Variants in STARD7 observed in about 807,000 individuals in gnomAD.
STARD7 encodes StAR related lipid transfer domain containing 7.
STARD7 carries 30 observed loss-of-function variants against 45.3 expected under a neutral mutation model. The ratio of observed to expected loss-of-function variants is 0.66; its 90% CI spans 0.50 to 0.90. The LOEUF (loss-of-function observed/expected upper bound fraction) is 0.90, where lower values mean the gene tolerates loss of function less well. STARD7 is among the 40% of genes least tolerant of loss of function. The pLI, the probability that STARD7 is intolerant of heterozygous loss-of-function variation, is 0.00. For synonymous variants in STARD7, 199 were observed against 183.0 expected (o/e 1.09, Z -0.70); for missense variants, 495 against 491.3 (o/e 1.01, Z -0.07).
chr2:96,199,198 C>A (rs957985456), intron 1 of STARD7, among the ~76,000 whole-genome samples: 19 of 152,096 alleles, frequency 1.2e-4, no homozygotes, highest in African/African-American at 4.3e-4. Context: ...AAGTGGCTTG[C>A]CAATTTCTGC....
chr2:96,197,114 A>AACAAAACAAAACAAG, intron 1 of STARD7, among the ~76,000 whole-genome samples: 1 of 144,358 alleles, frequency 6.9e-6, no homozygotes, highest in Non-Finnish European at 1.5e-5. Context: ...AATAAAATAA[A>AACAAAACAAAACAAG]ATAAAATAAA....
In STARD7 at chr2:96,187,430, GA is replaced by G; in HGVS notation, c.844-130del. On this transcript the variant is annotated intron_variant, in intron 6 of 7. Transcript: ENST00000337288. ...GTCATTTCTTTTTTCACCCTGTGCA[GA>G]AAAGAGTTAACACTGAAGGCCTGAG... is the stretch of plus-strand genomic sequence containing the variant. 13 of 645,570 alleles carry G rather than the reference GA, an allele frequency of 2.0e-5. No individual in the cohort carries two copies. In the South Asian group the frequency reaches 2.5e-4, roughly 12 times the overall value. 40.0% of individuals were successfully genotyped at this position (645,570 alleles called of 1,614,324 possible). A position where few individuals can be genotyped will look rare whatever the true frequency, so the allele number is the denominator to read the frequency against.
intron 1 of STARD7, among the ~76,000 whole-genome samples, chr2:96,202,865 T>C (rs370961900): frequency 2.0e-5 from 3 of 152,328 alleles, no homozygotes; most frequent in South Asian, 2.1e-4. Flanking sequence ...TTAAGAAAAT[T>C]ATTAACTATA....
chr2:96,187,027 C>T, intron 7 of STARD7, 113 bp from the exon 8 acceptor site: 3 of 1,061,292 alleles, frequency 2.8e-6, no homozygotes, highest in South Asian at 3.3e-5. Context: ...ATAAAGATCA[C>T]AACCTGACTA....
In STARD7 at chr2:96,186,741, C is replaced by T; in HGVS notation, c.1102G>A (p.Glu368Lys). Residue 368 changes from glutamate to lysine, a missense_variant, in exon 8 of 8, where the codon GAG becomes AAG. By Grantham distance (56) the Glu-to-Lys change is moderately conservative (BLOSUM62 1). Coordinates refer to ENST00000337288, the MANE Select transcript of STARD7 (RefSeq NM_020151.4). ...NEGSCGPARIEYA is the reference protein window; with the variant it reads ...NEGSCGPARIKYA ...TATCCCAAAGCCTGTCAAGCATACT[C>T]AATCCGAGCAGGGCCACAGCTGCCC... The T allele has an allele frequency of 1.9e-6, 3 of 1,609,582 alleles. No individual in the cohort carries two copies. Among genetic ancestry groups the T allele is most frequent in the Non-Finnish European group, 2.5e-6 (3 of 1,178,238 alleles).
intron 1 of STARD7, among the ~76,000 whole-genome samples, chr2:96,199,953 G>A (rs931052758): frequency 2.0e-5 from 3 of 152,288 alleles, no homozygotes; most frequent in Non-Finnish European, 2.9e-5. Flanking sequence ...TTAATATGGT[G>A]TAATAAATTG....
chr2:96,186,900 G>C lies in STARD7; in HGVS notation c.943C>G (p.Leu315Val). 7 of 1,612,710 alleles carry C rather than the reference G, an allele frequency of 4.3e-6. No individual in the cohort carries two copies. Among genetic ancestry groups the C allele is most frequent in the Non-Finnish European group, 5.9e-6 (7 of 1,179,224 alleles). Residue 315 changes from leucine (L) to valine (V), a missense_variant, in exon 8 of 8, where the codon CTG becomes GTG. Physicochemically the swap from Leu to Val is conservative, Grantham distance 32. This residue lies in a region of STARD7 where 213 missense variants were observed against 271.2 expected (regional missense o/e 0.79). Coordinates refer to ENST00000337288, the MANE Select transcript of STARD7 (RefSeq NM_020151.4). ...WMVSSGMPDF[L>V]EKLHMATLKA... ...AGAGTGGCCATGTGCAGCTTCTCCA[G>C]GAAATCTGGCATGCCTGTCAGGAGA...
intron 7 of STARD7, 48 bp from the exon 8 acceptor site, chr2:96,186,962 A>T (rs201623421): frequency 6.5e-7 from 1 of 1,540,380 alleles, no homozygotes; most frequent in African/African-American, 1.4e-5. Context: ...AACCAACAGT[A>T]GGCTCAAAAT....
At position 96,194,943 on chromosome 2, in the gene STARD7, G is replaced by C. The variant is rs771919226; in HGVS notation, c.549+15C>G. 4.0e-5 allele frequency: 64 copies of C among 1,604,686 alleles called. No individual in the cohort carries two copies. The highest frequency in any genetic ancestry group is 3.4e-6 in the Non-Finnish European group (4 of 1,175,292). On this transcript the variant is annotated intron_variant, in intron 3 of 7. Transcript: ENST00000337288. Reference sequence around the variant, plus strand: ...TGCTAGGAGGCTCCAAATCTGGAGAGAAAAATTAACTCACCTGAACATTGA... The same window carrying C: ...TGCTAGGAGGCTCCAAATCTGGAGACAAAAATTAACTCACCTGAACATTGA...
chr2:96,204,839 G>A (rs1461654973), intron 1 of STARD7, among the ~76,000 whole-genome samples: 5 of 150,542 alleles, frequency 3.3e-5, no homozygotes, highest in Admixed American at 1.3e-4. Flanking sequence ...AACATATCCC[G>A]AATGCCCTGA....
In STARD7 at chr2:96,185,067, ATT is replaced by A. The variant is rs1683013641; in HGVS notation, c.*1661_*1662del. 6.6e-6 allele frequency: 1 copy of A among 152,348 alleles called. No homozygotes were observed. Among genetic ancestry groups the A allele is most frequent in the African/African-American group, 2.4e-5 (1 of 41,336 alleles). 9.4% of individuals were successfully genotyped at this position (152,348 alleles called of 1,614,324 possible). A position where few individuals can be genotyped will look rare whatever the true frequency, so the allele number is the denominator to read the frequency against. ...CGCAGACGCACACACACACACACAT[ATT>A]CTCTCTCTCTCTTATGCACACATCC... On this transcript the variant is annotated 3_prime_UTR_variant, in exon 8 of 8. Transcript: ENST00000337288.
chr2:96,185,870 T>A lies in STARD7; in HGVS notation c.*860A>T, dbSNP rs1468350069. On this transcript the variant is annotated 3_prime_UTR_variant, in exon 8 of 8. Transcript: ENST00000337288. ...CCTATTTGACACAAAAGTTAAAAAA[T>A]TTTTAAACTAAATTTAAATGTGATG... 6.6e-6 allele frequency: 1 copy of A among 152,216 alleles called. No homozygotes were observed. Among genetic ancestry groups the A allele is most frequent in the African/African-American group, 2.4e-5 (1 of 41,460 alleles). 9.4% of individuals were successfully genotyped at this position (152,216 alleles called of 1,614,324 possible).
At chr2:96,200,374 CA>C (rs1280831878) in intron 1 of STARD7, among the ~76,000 whole-genome samples, 5 of 152,052 alleles carry the variant, frequency 3.3e-5, no homozygotes, top group African/African-American at 4.8e-5. Flanking sequence ...TCACCGGCTG[CA>C]AAAAGTTTTA....
At chr2:96,198,080 C>T (rs143204943) in intron 1 of STARD7, among the ~76,000 whole-genome samples, 621 of 152,120 alleles carry the variant, frequency 4.1e-3, no homozygotes, top group Non-Finnish European at 7.7e-3. Context: ...CCTAGCACTT[C>T]GGGAGGCCAA....
At chr2:96,200,737 A>G (rs934884739) in intron 1 of STARD7, among the ~76,000 whole-genome samples, 2 of 152,044 alleles carry the variant, frequency 1.3e-5, no homozygotes, top group African/African-American at 4.8e-5. Flanking sequence ...ACTGGCCTCA[A>G]ATTCCTGGGC....
In STARD7 at chr2:96,208,693, G is replaced by T. The variant is rs1045207984; in HGVS notation, c.-259C>A. The T allele has an allele frequency of 2.3e-6, 1 of 439,200 alleles. No homozygotes were observed. Among genetic ancestry groups the T allele is most frequent in the Admixed American group, 4.4e-5 (1 of 22,856 alleles). 27.2% of individuals were successfully genotyped at this position (439,200 alleles called of 1,614,324 possible). ...CAGGCACTCCTGGGCCCGGGCAGCA[G>T]ACCAGTCAGCCCTGTGGCTCCTCGG... On this transcript the variant is annotated 5_prime_UTR_variant, in exon 1 of 8. It adds an upstream start codon to the 5' untranslated region. Transcript: ENST00000337288.
rs1683138146 is a variant in STARD7, at chr2:96,192,356, A to G, written c.843+13T>C. The G allele has an allele frequency of 1.3e-6, 2 of 1,584,480 alleles. No individual in the cohort carries two copies. Among genetic ancestry groups the G allele is most frequent in the Admixed American group, 1.7e-5 (1 of 59,968 alleles). On this transcript the variant is annotated intron_variant, in intron 6 of 7. Transcript: ENST00000337288. Reference sequence around the variant, plus strand: ...GCCATGACATGTTATCTCTTGGATGAGGTAAAACTCACCTCATCAAATGAC... The same window carrying G: ...GCCATGACATGTTATCTCTTGGATGGGGTAAAACTCACCTCATCAAATGAC...
rs1301084602 is a variant in STARD7, at chr2:96,208,372, C to T, written c.63G>A (p.Ala21=). Reference sequence around the variant, plus strand: ...CGAAGCGGCACTGATTGGCCAGAAGCGCCAGCAGGCCCCCGCCCCGCGTCC... The same window carrying T: ...CGAAGCGGCACTGATTGGCCAGAAGTGCCAGCAGGCCCCCGCCCCGCGTCC... ...LAGTRGGGLL[A]LLANQCRFVT... is the part of the protein sequence containing the mutation. The change falls in exon 1 of 8, where the codon GCG becomes GCA. Residue 21 remains alanine, a synonymous_variant. Coordinates refer to ENST00000337288, the MANE Select transcript of STARD7 (RefSeq NM_020151.4). 6.5e-7 allele frequency: 1 copy of T among 1,529,260 alleles called. No homozygotes were observed. Among genetic ancestry groups the T allele is most frequent in the African/African-American group, 1.4e-5 (1 of 69,860 alleles). The allele number at this position is 1,529,260 out of a possible 1,614,324, so 94.7% of individuals were successfully genotyped here. A position where few individuals can be genotyped will look rare whatever the true frequency, so the allele number is the denominator to read the frequency against.
chr2:96,186,769 G>A lies in STARD7; in HGVS notation c.1074C>T (p.Asn358=), dbSNP rs114169229. Residue 358 remains asparagine (N), a synonymous_variant, in exon 8 of 8, where the codon AAC becomes AAT. Transcript: ENST00000337288. ...TCCGAGCAGGGCCACAGCTGCCCTC[G>A]TTCTTTCGCTCAGAGGACTGGCTGG... The part of the protein sequence containing the change: ...KATSQSSERK[N]EGSCGPARIE... 601 of 1,613,572 alleles carry A rather than the reference G, an allele frequency of 3.7e-4. 3 individuals carry two copies. In the African/African-American group the frequency reaches 6.4e-3, roughly 17 times the overall value.
Sources: gnomAD v4.1 joint callset for allele counts (sites outside exome capture counted in the v4.1 genomes callset) on GRCh38, gnomAD v4.1.1 for gene constraint, gnomAD v4.1.1 regional missense constraint, MANE v1.5 for transcripts, NCBI Gene and HGNC (gene_info 2026-07-23, HGNC 2026-07-21) for gene names.